ZNF892: variants seen among roughly 807,000 people sequenced by gnomAD.
ZNF892 encodes zinc finger protein 892.
chr2:95,240,840 G>A, the ZNF892 span, among the ~76,000 whole-genome samples: 177 of 152,292 alleles, frequency 1.2e-3, 3 homozygotes, highest in Admixed American at 4.1e-3. Flanking sequence ...CAAATGGTGC[G>A]GAAGAGGAAG....
At chr2:95,249,731 CAT>C in the ZNF892 span, among the ~76,000 whole-genome samples, 15 of 151,936 alleles carry the variant, frequency 9.9e-5, no homozygotes, top group African/African-American at 2.9e-4. Flanking sequence ...ACAAAAATAA[CAT>C]ATTTATTAAT....
the ZNF892 span, among the ~76,000 whole-genome samples, chr2:95,211,106 A>G: frequency 3.9e-5 from 6 of 152,194 alleles, no homozygotes; most frequent in African/African-American, 1.2e-4. Context: ...GGCTTCAGAT[A>G]CTGTTTTACA....
chr2:95,233,620 C>T, the ZNF892 span, among the ~76,000 whole-genome samples: 1 of 123,880 alleles, frequency 8.1e-6, no homozygotes, highest in South Asian at 2.7e-4. Context: ...TTGCAGTGAG[C>T]TGAGATCGCG....
the ZNF892 span, among the ~76,000 whole-genome samples, chr2:95,217,421 G>A: frequency 6.6e-6 from 1 of 152,108 alleles, no homozygotes; most frequent in African/African-American, 2.4e-5. Context: ...AGCCCCCAAA[G>A]CCCTAACTCA....
the ZNF892 span, among the ~76,000 whole-genome samples, chr2:95,261,109 A>T: frequency 6.6e-6 from 1 of 152,130 alleles, no homozygotes; most frequent in Admixed American, 6.5e-5. Flanking sequence ...CAGTGCCAGG[A>T]TCTGAGACAG....
At chr2:95,257,818 T>C in the ZNF892 span, among the ~76,000 whole-genome samples, 1 of 152,182 alleles carries the variant, frequency 6.6e-6, no homozygotes, top group South Asian at 2.1e-4. Context: ...TATCTCAGAC[T>C]GCTGTGCTAG....
chr2:95,222,258 A>T, the ZNF892 span, among the ~76,000 whole-genome samples: 1 of 152,204 alleles, frequency 6.6e-6, no homozygotes, highest in East Asian at 1.9e-4. Flanking sequence ...AAGCACATTT[A>T]GGTTGTTTAT....
the ZNF892 span, among the ~76,000 whole-genome samples, chr2:95,219,108 C>T: frequency 6.6e-5 from 10 of 152,214 alleles, no homozygotes; most frequent in African/African-American, 2.4e-4. Flanking sequence ...ACGCCATTCT[C>T]CTGCCTCAGC....
chr2:95,235,613 G>A, the ZNF892 span, among the ~76,000 whole-genome samples: 9 of 152,070 alleles, frequency 5.9e-5, no homozygotes, highest in East Asian at 1.9e-4. Flanking sequence ...CGCCCACCTC[G>A]GCCTCCCAAA....
At chr2:95,214,883 G>A in the ZNF892 span, 1 of 498,658 alleles carries the variant, frequency 2.0e-6, no homozygotes, top group Non-Finnish European at 3.6e-6. Context: ...ATGAGTGTGG[G>A]AAAGCCTTCA....
At chr2:95,207,807 G>A in the ZNF892 span, 1 of 398,700 alleles carries the variant, frequency 2.5e-6, no homozygotes, top group African/African-American at 2.1e-5. Context: ...GCCGGAGGAA[G>A]GAGTCTCCAT....
chr2:95,236,959 A>C, the ZNF892 span, among the ~76,000 whole-genome samples: 1 of 152,268 alleles, frequency 6.6e-6, no homozygotes, highest in Non-Finnish European at 1.5e-5. Context: ...TTGATTCTTT[A>C]TTACACTTTG....
chr2:95,240,205 T>G, the ZNF892 span, among the ~76,000 whole-genome samples: 6 of 151,978 alleles, frequency 3.9e-5, no homozygotes, highest in African/African-American at 1.5e-4. Flanking sequence ...GCAGCACTCA[T>G]GGAGAGGAAT....
the ZNF892 span, chr2:95,208,779 C>T: frequency 4.3e-5 from 17 of 398,474 alleles, no homozygotes; most frequent in Non-Finnish European, 5.3e-5. Flanking sequence ...GTTCTCAGAG[C>T]AAGGATGTCT....
the ZNF892 span, among the ~76,000 whole-genome samples, chr2:95,257,770 G>A: frequency 1.3e-5 from 2 of 152,174 alleles, no homozygotes; most frequent in African/African-American, 4.8e-5. Flanking sequence ...GGCAGTGGCG[G>A]GCGCCCCTCC....
the ZNF892 span, among the ~76,000 whole-genome samples, chr2:95,256,572 G>T: frequency 6.6e-6 from 1 of 152,166 alleles, no homozygotes; most frequent in African/African-American, 2.4e-5. Flanking sequence ...TTCTTGAGGA[G>T]TATCTTTGTC....
At chr2:95,209,624 A>G in the ZNF892 span, among the ~76,000 whole-genome samples, 1 of 152,174 alleles carries the variant, frequency 6.6e-6, no homozygotes, top group East Asian at 1.9e-4. Context: ...TTATAAAACC[A>G]TGGGAGAAAA....
chr2:95,220,955 A>G, the ZNF892 span, among the ~76,000 whole-genome samples: 5 of 152,238 alleles, frequency 3.3e-5, 1 homozygote, highest in Admixed American at 3.3e-4. Context: ...TTACAATTAT[A>G]TATTATGTAC....
the ZNF892 span, among the ~76,000 whole-genome samples, chr2:95,247,449 G>C: frequency 6.6e-6 from 1 of 152,082 alleles, no homozygotes; most frequent in African/African-American, 2.4e-5. Context: ...TTGGCCTCAG[G>C]AAAGAATATA....
Sources: gnomAD v4.1 joint callset for allele counts (sites outside exome capture counted in the v4.1 genomes callset) on GRCh38, gnomAD v4.1.1 for gene constraint, MANE v1.5 for transcripts, NCBI Gene and HGNC (gene_info 2026-07-23, HGNC 2026-07-21) for gene names.